The following TMEM132C variants were observed in gnomAD, a reference collection of about 807,000 sequenced individuals.
TMEM132C encodes protein phosphatase 1, regulatory subunit 152.
In TMEM132C, 29 loss-of-function variants were observed where a neutral mutation model predicts 61.4. The observed-to-expected ratio is 0.47, with a 90% confidence interval of 0.35 to 0.64. TMEM132C has a LOEUF of 0.64. Among genes scored for constraint, TMEM132C ranks in the 30% least tolerant of loss-of-function variants. The probability of loss-of-function intolerance (pLI) is 0.00; values close to 1 mark genes in which losing one functional copy is unlikely to be tolerated. For missense variants in TMEM132C, 1,408 were observed against 1,476.9 expected, an observed-to-expected ratio of 0.95 and a Z score of 0.76; for synonymous variants, 656 against 633.1, an observed-to-expected ratio of 1.04 and a Z score of -0.54.
intron 2 of TMEM132C, among the ~76,000 whole-genome samples, chr12:128,480,993 C>T (rs1871300905): frequency 6.6e-6 from 1 of 152,192 alleles, no homozygotes; most frequent in Admixed American, 6.5e-5. Flanking sequence ...GCACTGTTCC[C>T]AGCATCTCGC....
intron 2 of TMEM132C, among the ~76,000 whole-genome samples, chr12:128,527,619 A>ACT (rs754541757): frequency 1.3e-5 from 2 of 151,630 alleles, no homozygotes; most frequent in Non-Finnish European, 2.9e-5. Context: ...TGCAGCAGTA[A>ACT]CTCTTGACCA....
intron 3 of TMEM132C, among the ~76,000 whole-genome samples, chr12:128,591,885 C>G (rs999896155): frequency 2.3e-4 from 35 of 151,904 alleles, no homozygotes; most frequent in African/African-American, 7.7e-4. Flanking sequence ...AACCCCATCT[C>G]TACTAAAAAT....
chr12:128,280,402 G>C (rs1870852742), intron 1 of TMEM132C, among the ~76,000 whole-genome samples: 1 of 152,162 alleles, frequency 6.6e-6, no homozygotes, highest in Non-Finnish European at 1.5e-5. Context: ...CTCCTTCCTT[G>C]TAGACAAGAG....
intron 2 of TMEM132C, among the ~76,000 whole-genome samples, chr12:128,516,602 GAAA>G (rs11353244): frequency 6.6e-6 from 1 of 150,574 alleles, no homozygotes. Context: ...CCAAAGGAGG[GAAA>G]AAAAAAACCT....
chr12:128,470,483 A>G (rs1471804339), intron 2 of TMEM132C, among the ~76,000 whole-genome samples: 1 of 152,132 alleles, frequency 6.6e-6, no homozygotes, highest in Non-Finnish European at 1.5e-5. Flanking sequence ...GGTAGGAGCC[A>G]ATTTTCCAAC....
intron 2 of TMEM132C, among the ~76,000 whole-genome samples, chr12:128,508,417 C>T (rs982854273): frequency 1.3e-5 from 2 of 152,190 alleles, no homozygotes; most frequent in African/African-American, 4.8e-5. Flanking sequence ...GGGCATCCAC[C>T]TGCTCTACGG....
At chr12:128,483,208 C>A (rs1871369274) in intron 2 of TMEM132C, among the ~76,000 whole-genome samples, 1 of 140,084 alleles carries the variant, frequency 7.1e-6, no homozygotes, top group South Asian at 2.5e-4. Context: ...TTTGGGGTTG[C>A]AGTGAGCTGT....
intron 3 of TMEM132C, among the ~76,000 whole-genome samples, chr12:128,559,369 C>A (rs764423747): frequency 8.6e-5 from 13 of 151,992 alleles, no homozygotes; most frequent in Non-Finnish European, 1.8e-4. Context: ...TTAGGTTATT[C>A]TCAGGTTTTT....
rs1326310756 is a variant in TMEM132C at position 128,267,367 on chromosome 12, G to T, written c.-36G>T. ...GCCGCGGGCGGGCGCTGCGCTTCGGGCTGGCGGCGGGCTGCGTGAGCGGCC... is the reference window on the plus strand; with the variant it reads ...GCCGCGGGCGGGCGCTGCGCTTCGGTCTGGCGGCGGGCTGCGTGAGCGGCC... On this transcript the variant is annotated 5_prime_UTR_variant, in exon 1 of 9. Coordinates refer to ENST00000435159, the MANE Select transcript of TMEM132C (RefSeq NM_001136103.3). 1.9e-6 allele frequency: 2 copies of T among 1,039,528 alleles called. No homozygotes were observed. The highest frequency in any genetic ancestry group is 5.7e-5 in the Admixed American group (1 of 17,588). 64.4% of individuals were successfully genotyped at this position (1,039,528 alleles called of 1,614,324 possible).
intron 2 of TMEM132C, among the ~76,000 whole-genome samples, chr12:128,492,554 G>A (rs1436935556): frequency 6.6e-6 from 1 of 152,206 alleles, no homozygotes; most frequent in Non-Finnish European, 1.5e-5. Flanking sequence ...TAACTGGTGT[G>A]AGATGGTATC....
At chr12:128,674,491 G>C (rs1228574025) in intron 5 of TMEM132C, among the ~76,000 whole-genome samples, 1 of 152,080 alleles carries the variant, frequency 6.6e-6, no homozygotes, top group Non-Finnish European at 1.5e-5. Context: ...GAATGGCTTG[G>C]TCATATGGTA....
intron 2 of TMEM132C, among the ~76,000 whole-genome samples, chr12:128,478,293 TA>T (rs1466882149): frequency 6.6e-6 from 1 of 152,250 alleles, no homozygotes; most frequent in Non-Finnish European, 1.5e-5. Context: ...GTTGTTTTTT[TA>T]TTTTTTTATT....
intron 3 of TMEM132C, among the ~76,000 whole-genome samples, chr12:128,547,576 A>G (rs1874001339): frequency 6.6e-6 from 1 of 151,808 alleles, no homozygotes. Context: ...AAAAAAAAAA[A>G]AAAAAAAGAA....
At chr12:128,372,869 AC>A (rs758656089) in intron 1 of TMEM132C, among the ~76,000 whole-genome samples, 1 of 152,154 alleles carries the variant, frequency 6.6e-6, no homozygotes, top group Non-Finnish European at 1.5e-5. Context: ...TACGTTTAAA[AC>A]CAAGTAGGTG....
chr12:128,565,226 C>G (rs1249989632), intron 3 of TMEM132C, among the ~76,000 whole-genome samples: 1 of 152,218 alleles, frequency 6.6e-6, no homozygotes, highest in East Asian at 1.9e-4. Context: ...GAGCAGAATT[C>G]TCTCAACAAC....
intron 2 of TMEM132C, among the ~76,000 whole-genome samples, chr12:128,424,796 A>C (rs996050281): frequency 6.6e-6 from 1 of 152,236 alleles, no homozygotes; most frequent in African/African-American, 2.4e-5. Context: ...CTACACGTTG[A>C]ACATTGAGCC....
Position 128,306,204 on chromosome 12 carries a change from T to TCC in TMEM132C, c.85+38717_85+38718insCC, listed in dbSNP as rs1871771259. Among the ~76,000 whole-genome samples the TCC allele has an allele frequency of 2.7e-5, 3 of 109,494 alleles. No homozygotes were observed. The South Asian group carries it at 9.6e-4, about 35-fold the overall frequency. The allele number at this position is 109,494 out of a possible 152,430, so 71.8% of individuals were successfully genotyped here. On this transcript the variant is annotated intron_variant, in intron 1 of 8. Transcript: ENST00000435159. ...AACACCTCTTTACCCTGTGAAGAAA[T>TCC]TCTTTTTTTTTTTTTTTTGAGACTG...
intron 8 of TMEM132C, among the ~76,000 whole-genome samples, chr12:128,698,206 A>T (rs56088416): frequency 2.6e-5 from 3 of 114,350 alleles, no homozygotes; most frequent in Non-Finnish European, 6.6e-5. Flanking sequence ...GCCAGCATAT[A>T]GTAGGTGCTC....
At chr12:128,324,165 A>G (rs1384836621) in intron 1 of TMEM132C, among the ~76,000 whole-genome samples, 1 of 152,198 alleles carries the variant, frequency 6.6e-6, no homozygotes, top group Non-Finnish European at 1.5e-5. Flanking sequence ...CCTGTCTACA[A>G]TCCACCTTCC....
Sources: allele counts gnomAD v4.1 joint callset (sites outside exome capture counted in the v4.1 genomes callset), GRCh38; gene constraint gnomAD v4.1.1; transcripts MANE v1.5; gene names NCBI Gene and HGNC (gene_info 2026-07-23, HGNC 2026-07-21).